UQCR11: variants seen among roughly 807,000 people sequenced by gnomAD.
UQCR11 encodes ubiquinol-cytochrome c reductase, complex III subunit XI.
In UQCR11, 10 loss-of-function variants were observed where a neutral mutation model predicts 7.6. The ratio of observed to expected loss-of-function variants is 1.31; its 90% CI spans 0.81 to 2.22. The LOEUF is 2.22. Ranked by LOEUF, UQCR11 falls within the 30% of genes most tolerant of loss-of-function variation. The pLI is 0.00. For missense variants in UQCR11, 86 were observed against 75.1 expected, an observed-to-expected ratio of 1.15 and a Z score of -0.54; for synonymous variants, 34 against 34.9, an observed-to-expected ratio of 0.97 and a Z score of 0.09.
intron 1 of UQCR11, 122 bp downstream of exon 1, chr19:1,605,238 A>G: frequency 8.8e-7 from 1 of 1,138,498 alleles, no homozygotes; most frequent in Non-Finnish European, 1.2e-6. Context: ...GTCACCGGGA[A>G]CAACAAGGGA....
chr19:1,597,709 T>TG lies in UQCR11; in HGVS notation c.*534dup, dbSNP rs1290884774. On this transcript the variant is annotated 3_prime_UTR_variant, in exon 3 of 3. Coordinates refer to ENST00000591899, the MANE Select transcript of UQCR11 (RefSeq NM_006830.4). ...CCAGTTGAGCCTTCCTCAGACGAAG[T>TG]GGCCTTGGCTGATGTCTTAACTGCA... The TG allele has an allele frequency of 6.6e-6, 1 of 152,216 alleles. No homozygotes were observed. The highest frequency in any genetic ancestry group is 1.5e-5 in the Non-Finnish European group (1 of 68,050). The allele number at this position is 152,216 out of a possible 1,614,324, so 9.4% of individuals were successfully genotyped here. A position where few individuals can be genotyped will look rare whatever the true frequency, so the allele number is the denominator to read the frequency against.
chr19:1,597,329 C>T lies in UQCR11; in HGVS notation c.*915G>A, dbSNP rs536731707. 1 of 152,286 alleles carries T rather than the reference C, an allele frequency of 6.6e-6. No individual in the cohort carries two copies. The highest frequency in any genetic ancestry group is 6.5e-5 in the Admixed American group (1 of 15,278). 9.4% of individuals were successfully genotyped at this position (152,286 alleles called of 1,614,324 possible). ...GGGATTGTAGGCTGAGCCACCACTC[C>T]CAGCCTGTTCATTTTTGTATCCCTA... On this transcript the variant is annotated 3_prime_UTR_variant, in exon 3 of 3. Coordinates refer to ENST00000591899, the MANE Select transcript of UQCR11 (RefSeq NM_006830.4).
chr19:1,602,549 T>G (rs967895328), intron 1 of UQCR11: 2 of 152,098 alleles, frequency 1.3e-5, no homozygotes, highest in Admixed American at 6.6e-5. Context: ...CCTCCCAGGT[T>G]CAAGTGATTC....
intron 2 of UQCR11, 127 bp downstream of exon 2, chr19:1,599,285 C>T (rs2060740094): frequency 8.4e-6 from 11 of 1,306,798 alleles, no homozygotes; most frequent in Middle Eastern, 2.2e-4. Flanking sequence ...GCCCCACTCT[C>T]GAATGCAGGT....
intron 1 of UQCR11, among the ~76,000 whole-genome samples, chr19:1,600,212 T>C (rs1004123065): frequency 1.4e-5 from 2 of 146,122 alleles, no homozygotes; most frequent in African/African-American, 5.0e-5. Context: ...CAGGCTTCTT[T>C]TTTTTTTTTT....
At position 1,597,622 on chromosome 19, in the gene UQCR11, G is replaced by T. The variant is rs919973895; in HGVS notation, c.*622C>A. The stretch of plus-strand genomic sequence containing the variant: ...CAGCTTCGTGTAGGGGCCCCCATGG[G>T]AAGGAACTGTGGCTGTCACCGACAG... On this transcript the variant is annotated 3_prime_UTR_variant, in exon 3 of 3. Transcript: ENST00000591899. 2 of 152,104 alleles carry T rather than the reference G, an allele frequency of 1.3e-5. No individual in the cohort carries two copies. Among genetic ancestry groups the T allele is most frequent in the African/African-American group, 4.8e-5 (2 of 41,398 alleles). 9.4% of individuals were successfully genotyped at this position (152,104 alleles called of 1,614,324 possible).
At chr19:1,604,303 T>G (rs2060755553) in intron 1 of UQCR11, among the ~76,000 whole-genome samples, 1 of 152,118 alleles carries the variant, frequency 6.6e-6, no homozygotes, top group Admixed American at 6.5e-5. Flanking sequence ...GGTCTCAAAT[T>G]CCCAGGCTCA....
In UQCR11 at chr19:1,599,612, C is replaced by A. The variant is rs1455757462; in HGVS notation, c.51-52G>T. 3 of 1,592,940 alleles carry A rather than the reference C, an allele frequency of 1.9e-6. No individual in the cohort carries two copies. The Admixed American group carries it at 5.1e-5, about 27-fold the overall frequency. ...CCTGCTCTGGACCCTTTCTCCAAGA[C>A]CCTCTCCTGCCCACCCCGGCCCCCC... On this transcript the variant is annotated intron_variant, in intron 1 of 2. Transcript: ENST00000591899.
intron 2 of UQCR11, chr19:1,599,179 G>A: frequency 4.1e-6 from 2 of 482,326 alleles, no homozygotes; most frequent in Non-Finnish European, 7.5e-6. Context: ...ATTGTCCAGA[G>A]GGAGGGCGAG....
chr19:1,600,216 T>TC (rs1452674183), intron 1 of UQCR11, among the ~76,000 whole-genome samples: 1 of 147,722 alleles, frequency 6.8e-6, no homozygotes, highest in East Asian at 2.0e-4. Context: ...CTTCTTTTTT[T>TC]TTTTTTTTTT....
intron 1 of UQCR11, among the ~76,000 whole-genome samples, chr19:1,604,446 A>C (rs758361825): frequency 1.3e-5 from 2 of 151,826 alleles, no homozygotes; most frequent in Non-Finnish European, 2.9e-5. Flanking sequence ...CCCAGGCTCA[A>C]GTGATTCTCC....
intron 1 of UQCR11, among the ~76,000 whole-genome samples, chr19:1,600,036 T>A (rs887390): frequency 2.0e-5 from 3 of 152,200 alleles, no homozygotes; most frequent in Admixed American, 1.3e-4. Context: ...TCCAAGCTCA[T>A]GCTCTTGCCC....
intron 1 of UQCR11, among the ~76,000 whole-genome samples, chr19:1,600,477 T>C (rs1002285598): frequency 6.6e-6 from 1 of 152,084 alleles, no homozygotes; most frequent in Non-Finnish European, 1.5e-5. Context: ...CCTCCCAAAG[T>C]GCTGGGATTA....
Position 1,599,536 on chromosome 19 carries a change from G to T in UQCR11, c.75C>A (p.Gly25=). 1 of 1,612,236 alleles carries T rather than the reference G, an allele frequency of 6.2e-7. No homozygotes were observed. The change falls in exon 2 of 3, where the codon GGC becomes GGA. Residue 25 remains glycine, a synonymous_variant. Coordinates refer to ENST00000591899, the MANE Select transcript of UQCR11 (RefSeq NM_006830.4). ...ACACCAGCCCCACGGCGCCCACAGC[G>T]CCCCATGTGTAGGCCGTCGGGACCC... The part of the protein sequence containing the change: ...KNWVPTAYTW[G]AVGAVGLVWA...
rs1020605939 is a variant in UQCR11, at chr19:1,597,741, T to G, written c.*503A>C. 6.6e-6 allele frequency: 1 copy of G among 152,226 alleles called. No homozygotes were observed. The highest frequency in any genetic ancestry group is 2.1e-4 in the South Asian group (1 of 4,834). 9.4% of individuals were successfully genotyped at this position (152,226 alleles called of 1,614,324 possible). A position where few individuals can be genotyped will look rare whatever the true frequency, so the allele number is the denominator to read the frequency against. On this transcript the variant is annotated 3_prime_UTR_variant, in exon 3 of 3. Coordinates refer to ENST00000591899, the MANE Select transcript of UQCR11 (RefSeq NM_006830.4). ...GGCTGATGTCTTAACTGCAACCTCA[T>G]GAGAGACTCTGGGCCACAACCACCC...
At position 1,598,021 on chromosome 19, in the gene UQCR11, C is replaced by G. The variant is rs2060736533; in HGVS notation, c.*223G>C. On this transcript the variant is annotated 3_prime_UTR_variant, in exon 3 of 3. Coordinates refer to ENST00000591899, the MANE Select transcript of UQCR11 (RefSeq NM_006830.4). ...AGCTACAGTCACAGTAACCAAGCCA[C>G]CAGCATGATCAACATCCGGGCACGG... 1 of 152,254 alleles carries G rather than the reference C, an allele frequency of 6.6e-6. No individual in the cohort carries two copies. Among genetic ancestry groups the G allele is most frequent in the Admixed American group, 6.5e-5 (1 of 15,286 alleles). 9.4% of individuals were successfully genotyped at this position (152,254 alleles called of 1,614,324 possible). A position where few individuals can be genotyped will look rare whatever the true frequency, so the allele number is the denominator to read the frequency against.
chr19:1,605,192 G>A (rs566692502), intron 1 of UQCR11, among the ~76,000 whole-genome samples, 168 bp downstream of exon 1: 1 of 152,312 alleles, frequency 6.6e-6, no homozygotes, highest in African/African-American at 2.4e-5. Flanking sequence ...ACGCCGGGAC[G>A]CGCCGCTCCG....
chr19:1,602,593 A>T (rs1276833026), intron 1 of UQCR11, among the ~76,000 whole-genome samples: 1 of 152,216 alleles, frequency 6.6e-6, no homozygotes, highest in South Asian at 2.1e-4. Flanking sequence ...CTGGGATTAC[A>T]GGTGTCCACT....
intron 2 of UQCR11, 186 bp downstream of exon 2, chr19:1,599,226 C>T (rs984438816): frequency 1.9e-5 from 13 of 679,800 alleles, no homozygotes; most frequent in Middle Eastern, 4.4e-4. Context: ...GGCTGCGGGG[C>T]GGACAGTTCT....
Sources: allele counts gnomAD v4.1 joint callset (sites outside exome capture counted in the v4.1 genomes callset), GRCh38; gene constraint gnomAD v4.1.1; transcripts MANE v1.5; gene names NCBI Gene and HGNC (gene_info 2026-07-23, HGNC 2026-07-21).